Variants in STK3 observed in about 807,000 individuals in gnomAD.
The protein encoded by STK3 is serine/threonine-protein kinase 3.
Under a neutral mutation model 58.0 loss-of-function variants are expected in STK3, and 41 were observed. That is an observed-to-expected ratio of 0.71 (90% CI 0.55 to 0.92). STK3 has a LOEUF of 0.92. STK3 is among the 40% of genes least tolerant of loss of function. The pLI is 0.00. For missense variants in STK3, 479 were observed against 602.7 expected, an observed-to-expected ratio of 0.79 and a Z score of 2.15; for synonymous variants, 170 against 191.0, an observed-to-expected ratio of 0.89 and a Z score of 0.91.
the STK3 span, among the ~76,000 whole-genome samples, chr8:98,352,136 C>CA: frequency 0.56 from 61,848 of 110,360 alleles, 16,830 homozygotes; most frequent in Admixed American, 0.62. Context: ...GACTCTGTCT[C>CA]AAAAAAAAAA....
chr8:98,393,450 G>A (rs1202286934), intron 3 of STK3, among the ~76,000 whole-genome samples: 1 of 152,112 alleles, frequency 6.6e-6, no homozygotes, highest in African/African-American at 2.4e-5. Context: ...CCCATCAAGA[G>A]GTGGACTCCT....
At chr8:98,495,530 T>C (rs575118415) in intron 10 of STK3, among the ~76,000 whole-genome samples, 1 of 152,342 alleles carries the variant, frequency 6.6e-6, no homozygotes, top group Admixed American at 6.5e-5. Flanking sequence ...ACTCATTTAC[T>C]CTGAATTAGC....
chr8:98,764,378 T>A (rs1041568877), intron 3 of STK3, among the ~76,000 whole-genome samples: 7 of 152,218 alleles, frequency 4.6e-5, no homozygotes, highest in African/African-American at 1.7e-4. Flanking sequence ...TCAAAAAGTA[T>A]ACTGCTAGGC....
chr8:98,660,018 CA>C (rs1350083614), intron 6 of STK3, among the ~76,000 whole-genome samples: 4 of 151,202 alleles, frequency 2.6e-5, no homozygotes, highest in Non-Finnish European at 5.9e-5. Context: ...AAAACAAAAC[CA>C]AAAAATGAAC....
intron 3 of STK3, among the ~76,000 whole-genome samples, chr8:98,834,091 T>C (rs554015163): frequency 6.6e-6 from 1 of 152,358 alleles, no homozygotes; most frequent in East Asian, 1.9e-4. Context: ...ATTCATCTCT[T>C]AAAACTGCTT....
intron 10 of STK3, among the ~76,000 whole-genome samples, chr8:98,477,181 A>G (rs1384703433): frequency 6.6e-6 from 1 of 152,150 alleles, no homozygotes; most frequent in Admixed American, 6.5e-5. Flanking sequence ...TCACAGTTTC[A>G]CAATTTACTA....
intron 9 of STK3, among the ~76,000 whole-genome samples, chr8:98,529,287 G>C (rs10100346): frequency 0.42 from 63,332 of 151,736 alleles, 13,418 homozygotes; most frequent in East Asian, 0.55. Context: ...AAAACAAAAG[G>C]GGGGGGGACG....
At position 98,418,192 on chromosome 8, in the gene STK3, A is replaced by G. The variant is rs527530851; in HGVS notation, n.483+15935T>C. ...CTCCCAAAGTGCTGAGATTACAGGC[A>G]TGAGCCACTGTGTCCAGTTCTGATT... On this transcript the variant is annotated intron_variant and non_coding_transcript_variant, in intron 3 of 3. Transcript: ENST00000517832. Among the ~76,000 whole-genome samples, 10 of 152,354 alleles carry G rather than the reference A, an allele frequency of 6.6e-5. No homozygotes were observed. The East Asian group carries it at 1.7e-3, about 26-fold the overall frequency.
chr8:98,445,954 G>A (rs868594004), intron 1 of STK3, among the ~76,000 whole-genome samples: 7 of 152,160 alleles, frequency 4.6e-5, no homozygotes, highest in South Asian at 2.1e-4. Context: ...AGTGATTTGG[G>A]AAAACAAAAA....
chr8:98,904,630 G>C (rs1275369708), intron 1 of STK3: 1 of 613,462 alleles, frequency 1.6e-6, no homozygotes, highest in Non-Finnish European at 3.1e-6. Flanking sequence ...GGTCCATATA[G>C]TGCTCCCGTT....
intron 10 of STK3, among the ~76,000 whole-genome samples, chr8:98,512,258 T>C (rs1824579602): frequency 6.6e-6 from 1 of 152,144 alleles, no homozygotes; most frequent in Non-Finnish European, 1.5e-5. Context: ...AATCTAGATG[T>C]AATTTGTTTT....
rs530992287 is a variant in STK3 at position 98,841,676 on chromosome 8, G to A, written c.110+41971C>T. ...CAGTCTGGGCAAAAAAGAGAGACCT[G>A]GTCTCAAAAAAAAAAAAAAAAAAAA... On this transcript the variant is annotated intron_variant, in intron 3 of 12. Transcript: ENST00000523601. 7.9e-3 allele frequency among the ~76,000 whole-genome samples: 896 copies of A among 112,836 alleles called. 6 individuals are homozygous for A. The highest frequency in any genetic ancestry group is 0.028 in the African/African-American group (844 of 30,642). The allele number at this position is 112,836 out of a possible 152,430, so 74.0% of individuals were successfully genotyped here. A position where few individuals can be genotyped will look rare whatever the true frequency, so the allele number is the denominator to read the frequency against.
intron 1 of STK3, among the ~76,000 whole-genome samples, chr8:98,892,815 C>A (rs1366242556): frequency 6.6e-6 from 1 of 152,172 alleles, no homozygotes; most frequent in Non-Finnish European, 1.5e-5. Context: ...TGTCTCATAG[C>A]AGTCACTCAA....
At chr8:98,814,350 A>ATTT (rs34675136) in intron 1 of STK3, among the ~76,000 whole-genome samples, 1 of 134,928 alleles carries the variant, frequency 7.4e-6, no homozygotes, top group Admixed American at 7.5e-5. Context: ...CGCGCCCAGC[A>ATTT]TTTTTTTTTT....
At chr8:98,463,571 T>C (rs567100195) in intron 10 of STK3, among the ~76,000 whole-genome samples, 183 of 152,238 alleles carry the variant, frequency 1.2e-3, no homozygotes, top group African/African-American at 4.3e-3. Flanking sequence ...ACAAGAAGTA[T>C]TGAAAGTCTG....
chr8:98,884,676 G>A (rs763259881), intron 1 of STK3, among the ~76,000 whole-genome samples: 5 of 151,952 alleles, frequency 3.3e-5, no homozygotes, highest in Non-Finnish European at 7.4e-5. Flanking sequence ...GTCATTATAC[G>A]ATTTAATAAC....
intron 2 of STK3, among the ~76,000 whole-genome samples, chr8:98,771,774 A>G (rs910159394): frequency 5.3e-5 from 8 of 152,190 alleles, no homozygotes; most frequent in South Asian, 2.1e-4. Flanking sequence ...CTAAATGACA[A>G]TATGGTTTCA....
intron 3 of STK3, among the ~76,000 whole-genome samples, chr8:98,870,587 T>C (rs1837334616): frequency 6.6e-6 from 1 of 152,274 alleles, no homozygotes; most frequent in Admixed American, 6.5e-5. Flanking sequence ...ATTTCTCTAA[T>C]GGCCAGTGAT....
intron 3 of STK3, among the ~76,000 whole-genome samples, chr8:98,433,138 G>A (rs1325181454): frequency 3.3e-5 from 5 of 151,994 alleles, no homozygotes; most frequent in East Asian, 1.9e-4. Flanking sequence ...TGGTAAAGGC[G>A]GAGTCCTAGT....
Sources: gnomAD v4.1 joint callset for allele counts (sites outside exome capture counted in the v4.1 genomes callset) on GRCh38, gnomAD v4.1.1 for gene constraint, MANE v1.5 for transcripts, NCBI Gene and HGNC (gene_info 2026-07-23, HGNC 2026-07-21) for gene names.